Variants in ADCY2 observed in about 807,000 individuals in gnomAD.
ADCY2 encodes adenylate cyclase type 2.
In ADCY2, 31 loss-of-function variants were observed where a neutral mutation model predicts 125.2. The observed-to-expected ratio is 0.25, with a 90% CI of 0.19 to 0.33. ADCY2 has a LOEUF of 0.33. Among genes scored for constraint, ADCY2 ranks in the 10% least tolerant of loss-of-function variants. The pLI, the probability that ADCY2 is intolerant of heterozygous loss-of-function variation, is 1.00. For missense variants in ADCY2, 904 were observed against 1,418.2 expected (o/e 0.64, Z 5.82); for synonymous variants, 512 against 548.4 (o/e 0.93, Z 0.93).
At chr5:7,784,261 A>G in intron 18 of ADCY2, 104 bp from the exon 19 acceptor site, 1 of 826,242 alleles carries the variant, frequency 1.2e-6, no homozygotes, top group Non-Finnish European at 2.0e-6. Flanking sequence ...TATGATGTAG[A>G]CAGGCACTAG....
intron 15 of ADCY2, among the ~76,000 whole-genome samples, chr5:7,744,092 T>C (rs2126434503): frequency 6.6e-6 from 1 of 152,230 alleles, no homozygotes. Flanking sequence ...AGGCTTTCAG[T>C]GTACAGGAGG....
intron 4 of ADCY2, among the ~76,000 whole-genome samples, chr5:7,650,767 T>G (rs1739060531): frequency 6.6e-6 from 1 of 152,204 alleles, no homozygotes. Context: ...AAGGGTCAAT[T>G]TAAAAAGAAA....
chr5:7,493,560 A>G (rs1743241800), intron 2 of ADCY2, among the ~76,000 whole-genome samples: 1 of 152,226 alleles, frequency 6.6e-6, no homozygotes, highest in African/African-American at 2.4e-5. Flanking sequence ...GACGATGTCT[A>G]CAATGTGGGG....
intron 3 of ADCY2, among the ~76,000 whole-genome samples, chr5:7,525,920 G>A (rs1469596446): frequency 1.3e-5 from 2 of 152,020 alleles, no homozygotes; most frequent in Non-Finnish European, 2.9e-5. Context: ...CTCCTGCTCT[G>A]ATCCCTGTAC....
intron 20 of ADCY2, chr5:7,801,850 T>G (rs77494955): frequency 5.4e-6 from 1 of 185,060 alleles, no homozygotes; most frequent in Non-Finnish European, 1.1e-5. Context: ...ATAGCCATAA[T>G]GAGTTATTTC....
intron 14 of ADCY2, among the ~76,000 whole-genome samples, chr5:7,740,380 ACCTACACT>A (rs1742373960): frequency 6.6e-6 from 1 of 152,172 alleles, no homozygotes; most frequent in Admixed American, 6.5e-5. Context: ...ACATGGACAA[ACCTACACT>A]CCTAGTTGGA....
At chr5:7,642,742 T>G (rs1738752592) in intron 4 of ADCY2, among the ~76,000 whole-genome samples, 2 of 152,118 alleles carry the variant, frequency 1.3e-5, no homozygotes, top group South Asian at 4.1e-4. Context: ...TACAAATGAA[T>G]TCCCATGAGG....
intron 3 of ADCY2, among the ~76,000 whole-genome samples, chr5:7,526,089 G>A (rs561681079): frequency 2.6e-4 from 40 of 152,132 alleles, no homozygotes; most frequent in Middle Eastern, 3.2e-3. Flanking sequence ...TGACACCCAC[G>A]CATGTGGGGC....
chr5:7,802,078 G>C lies in ADCY2; in HGVS notation c.2629-140G>C. 1 of 900,288 alleles carries C rather than the reference G, an allele frequency of 1.1e-6. No individual in the cohort carries two copies. The highest frequency in any genetic ancestry group is 1.7e-6 in the Non-Finnish European group (1 of 602,168). 55.8% of individuals were successfully genotyped at this position (900,288 alleles called of 1,614,324 possible). ...GCAGCGGCAGCATCTGGATTGGGCCGCGGCTGGGGTGGGGCAAGTGGAGTA... is the reference window on the plus strand; with the variant it reads ...GCAGCGGCAGCATCTGGATTGGGCCCCGGCTGGGGTGGGGCAAGTGGAGTA... On this transcript the variant is annotated intron_variant, in intron 20 of 24. Coordinates refer to ENST00000338316, the MANE Select transcript of ADCY2 (RefSeq NM_020546.3). This position sits in a 1 kb window ranked among gnomAD's most constrained non-coding sequence, Gnocchi z 4.6.
rs539838617 is a variant in ADCY2 at position 7,570,089 on chromosome 5, A to G, written c.570+49190A>G. Among the ~76,000 whole-genome samples the G allele has an allele frequency of 5.3e-5, 8 of 152,230 alleles. No individual in the cohort carries two copies. In the South Asian group the frequency reaches 1.4e-3, roughly 28 times the overall value. On this transcript the variant is annotated intron_variant, in intron 3 of 24. Transcript: ENST00000338316. ...ACACAATCACTATAAGTGTAACCCT[A>G]TGACTTCTGCTTGAAAATTTCACTT...
chr5:7,521,026 A>C, intron 3 of ADCY2, 127 bp downstream of exon 3: 1 of 1,153,762 alleles, frequency 8.7e-7, no homozygotes, highest in Admixed American at 2.0e-5. Flanking sequence ...CTGCCCCTTG[A>C]GACTGACCCC....
chr5:7,684,145 A>T (rs1273255999), intron 4 of ADCY2, among the ~76,000 whole-genome samples: 1 of 152,124 alleles, frequency 6.6e-6, no homozygotes, highest in East Asian at 1.9e-4. Context: ...CCTGTGGAGC[A>T]TTTTGCTTTT....
chr5:7,698,977 C>T (rs1232849288), intron 7 of ADCY2, among the ~76,000 whole-genome samples: 10 of 148,880 alleles, frequency 6.7e-5, no homozygotes, highest in Non-Finnish European at 1.5e-4. Flanking sequence ...TCTGTCACAA[C>T]GGTTGAACTA....
chr5:7,475,675 C>T (rs1280921230), intron 2 of ADCY2, among the ~76,000 whole-genome samples: 2 of 152,218 alleles, frequency 1.3e-5, no homozygotes, highest in Admixed American at 6.5e-5. Context: ...AGCCACTGCA[C>T]CCGGCAAGAT....
chr5:7,547,408 G>C (rs1007954831), intron 3 of ADCY2, among the ~76,000 whole-genome samples: 1 of 152,182 alleles, frequency 6.6e-6, no homozygotes, highest in African/African-American at 2.4e-5. Flanking sequence ...CAGTCCAGGA[G>C]ATCCTGAAAA....
At chr5:7,439,693 A>G (rs1248327712) in intron 2 of ADCY2, among the ~76,000 whole-genome samples, 1 of 152,234 alleles carries the variant, frequency 6.6e-6, no homozygotes, top group East Asian at 1.9e-4. Context: ...TATCAATGAG[A>G]AAGTGTCACG....
At chr5:7,480,589 G>A (rs1174104574) in intron 2 of ADCY2, among the ~76,000 whole-genome samples, 1 of 152,010 alleles carries the variant, frequency 6.6e-6, no homozygotes, top group Non-Finnish European at 1.5e-5. Flanking sequence ...CAACACACAC[G>A]GGGGCCTATT....
At chr5:7,612,617 G>T (rs1418290229) in intron 3 of ADCY2, among the ~76,000 whole-genome samples, 1 of 152,200 alleles carries the variant, frequency 6.6e-6, no homozygotes, top group Non-Finnish European at 1.5e-5. Context: ...GACAGGAGTC[G>T]TTGGCTGCTC....
In ADCY2 at chr5:7,755,328, G is replaced by A. The variant is rs150969029; in HGVS notation, c.1957-2121G>A. On this transcript the variant is annotated intron_variant, in intron 15 of 24. Coordinates refer to ENST00000338316, the MANE Select transcript of ADCY2 (RefSeq NM_020546.3). ...GCCCAAGAAGTGAACCCGGAACCTGGTCCTGCGTCTCCCTCAGGGGGGCAT... is the reference window on the plus strand; with the variant it reads ...GCCCAAGAAGTGAACCCGGAACCTGATCCTGCGTCTCCCTCAGGGGGGCAT... Among the ~76,000 whole-genome samples, 138 of 152,152 alleles carry A rather than the reference G, an allele frequency of 9.1e-4. 1 individual carries two copies. The highest frequency in any genetic ancestry group is 3.3e-3 in the African/African-American group (135 of 41,506).
Sources: allele counts gnomAD v4.1 joint callset (sites outside exome capture counted in the v4.1 genomes callset), GRCh38; gene constraint gnomAD v4.1.1; non-coding constraint Gnocchi (gnomAD v3.1); transcripts MANE v1.5; gene names NCBI Gene and HGNC (gene_info 2026-07-23, HGNC 2026-07-21).